ZNRF3: variants seen among roughly 807,000 people sequenced by gnomAD.
The protein encoded by ZNRF3 is zinc and ring finger 3.
ZNRF3 carries 23 observed loss-of-function variants against 72.5 expected under a neutral mutation model. The observed-to-expected ratio is 0.32, with a 90% CI of 0.23 to 0.45. The LOEUF (loss-of-function observed/expected upper bound fraction) is 0.45, where lower values mean the gene tolerates loss of function less well. ZNRF3 is among the 20% of genes least tolerant of loss of function. The pLI is 1.00. For missense variants in ZNRF3, 1,169 were observed against 1,272.1 expected (o/e 0.92, Z 1.23); for synonymous variants, 610 against 545.3 (o/e 1.12, Z -1.65).
intron 6 of ZNRF3, 42 bp downstream of exon 6, chr22:29,046,925 G>C (rs746527372): frequency 6.8e-7 from 1 of 1,474,418 alleles, no homozygotes; most frequent in African/African-American, 1.4e-5. Context: ...GGAAAACATA[G>C]GCAGGTCAGC....
chr22:28,889,735 C>G (rs1247914960), intron 1 of ZNRF3, among the ~76,000 whole-genome samples: 1 of 152,214 alleles, frequency 6.6e-6, no homozygotes, highest in East Asian at 1.9e-4. Context: ...TATAGTCACT[C>G]AAAGACTTTT....
Position 29,007,752 on chromosome 22 carries a change from C to T in ZNRF3, c.426+20551C>T, listed in dbSNP as rs1393481540. Among the ~76,000 whole-genome samples, 201 of 43,612 alleles carry T rather than the reference C, an allele frequency of 4.6e-3. 6 individuals carry two copies. Among genetic ancestry groups the T allele is most frequent in the South Asian group, 0.03 (45 of 1,524 alleles). The allele number at this position is 43,612 out of a possible 152,430, so 28.6% of individuals were successfully genotyped here. ...CCTTTCATAGAAATTCCATTTCTTC[C>T]TTTTTTTTTTTTTTTTTTTTTTGAG... On this transcript the variant is annotated intron_variant, in intron 2 of 8. Transcript: ENST00000544604.
chr22:28,919,982 T>C (rs979297274), intron 1 of ZNRF3, among the ~76,000 whole-genome samples: 2 of 152,124 alleles, frequency 1.3e-5, no homozygotes, highest in Non-Finnish European at 2.9e-5. Flanking sequence ...TTTTATTTTT[T>C]GAGATGGAGT....
At chr22:28,890,766 C>CT (rs778655580) in intron 1 of ZNRF3, among the ~76,000 whole-genome samples, 149 of 119,108 alleles carry the variant, frequency 1.3e-3, no homozygotes, top group South Asian at 2.0e-3. Flanking sequence ...CTCTCTCTCT[C>CT]TTTTTTTTTT....
intron 1 of ZNRF3, among the ~76,000 whole-genome samples, chr22:28,885,907 CTTTTG>C (rs2033777250): frequency 6.7e-6 from 1 of 148,738 alleles, no homozygotes; most frequent in Non-Finnish European, 1.5e-5. Context: ...TTATCTAACT[CTTTTG>C]TAGTCCATTA....
intron 1 of ZNRF3, among the ~76,000 whole-genome samples, chr22:28,939,627 A>G (rs1322446441): frequency 2.0e-5 from 3 of 151,184 alleles, no homozygotes; most frequent in Non-Finnish European, 2.9e-5. Context: ...TCCCATTTAC[A>G]TGTTATCCTG....
chr22:28,940,399 C>G (rs1296747837), intron 1 of ZNRF3, among the ~76,000 whole-genome samples: 2 of 151,568 alleles, frequency 1.3e-5, no homozygotes, highest in Non-Finnish European at 2.9e-5. Context: ...TCTGGAAAAT[C>G]AGCTAAACTT....
chr22:28,982,980 G>A (rs2035793096), intron 1 of ZNRF3, among the ~76,000 whole-genome samples: 1 of 152,202 alleles, frequency 6.6e-6, no homozygotes, highest in African/African-American at 2.4e-5. Flanking sequence ...GAGCTCAGGA[G>A]AGAGGGAACT....
At chr22:28,937,721 G>A (rs2034866065) in intron 1 of ZNRF3, among the ~76,000 whole-genome samples, 1 of 152,126 alleles carries the variant, frequency 6.6e-6, no homozygotes, top group African/African-American at 2.4e-5. Context: ...GAAGGTACAA[G>A]GAAATGAACA....
At chr22:28,975,719 A>G (rs2035659470) in intron 1 of ZNRF3, among the ~76,000 whole-genome samples, 2 of 152,032 alleles carry the variant, frequency 1.3e-5, no homozygotes, top group Admixed American at 1.3e-4. Context: ...CCTGGGCAAC[A>G]GTGCAAGACT....
intron 1 of ZNRF3, among the ~76,000 whole-genome samples, chr22:28,911,426 G>A (rs1207564944): frequency 6.6e-6 from 1 of 152,202 alleles, no homozygotes; most frequent in Admixed American, 6.5e-5. Context: ...TCACTGCACA[G>A]CAGTCGGCAG....
chr22:28,959,226 G>A (rs1050791399), intron 1 of ZNRF3, among the ~76,000 whole-genome samples: 3 of 152,208 alleles, frequency 2.0e-5, no homozygotes. Flanking sequence ...CCCTTTGTGG[G>A]AAGTGTCCCC....
intron 1 of ZNRF3, among the ~76,000 whole-genome samples, chr22:28,958,045 G>A (rs752140147): frequency 1.3e-5 from 2 of 152,034 alleles, no homozygotes; most frequent in South Asian, 2.1e-4. Context: ...AAAATTAGCC[G>A]GGCGTTGTGG....
At chr22:29,018,907 G>C (rs143931581) in intron 2 of ZNRF3, among the ~76,000 whole-genome samples, 1 of 151,268 alleles carries the variant, frequency 6.6e-6, no homozygotes, top group East Asian at 1.9e-4. Context: ...GATTCTGTGG[G>C]TTAGCTGAGC....
chr22:28,941,901 G>A (rs1192601569), intron 1 of ZNRF3, among the ~76,000 whole-genome samples: 1 of 152,160 alleles, frequency 6.6e-6, no homozygotes, highest in Non-Finnish European at 1.5e-5. Flanking sequence ...GTCGCAGTGA[G>A]CAGAGATCGT....
chr22:28,913,644 T>C (rs911329051), intron 1 of ZNRF3, among the ~76,000 whole-genome samples: 7 of 152,146 alleles, frequency 4.6e-5, no homozygotes, highest in African/African-American at 1.7e-4. Context: ...AATTGGGTGA[T>C]GGGGTATAGG....
intron 2 of ZNRF3, among the ~76,000 whole-genome samples, chr22:29,020,627 C>G (rs2036516439): frequency 6.6e-6 from 1 of 151,870 alleles, no homozygotes. Context: ...GATGTGAAAC[C>G]CACTGATAAG....
rs139041016 is a variant in ZNRF3 at position 29,000,754 on chromosome 22, C to T, written c.426+13553C>T. 4.4e-4 allele frequency among the ~76,000 whole-genome samples: 67 copies of T among 152,222 alleles called. 1 individual carries two copies. The East Asian group carries it at 0.013, about 29-fold the overall frequency. On this transcript the variant is annotated intron_variant, in intron 2 of 8. Transcript: ENST00000544604. ...TCTAGTGAGGGCCTCAGGAAGCTTA[C>T]AATCACCACAGAAGGCAAAGGGGGA... is the stretch of plus-strand genomic sequence containing the variant.
chr22:28,987,281 G>A (rs2035871324), intron 2 of ZNRF3, 80 bp downstream of exon 2: 1 of 1,543,088 alleles, frequency 6.5e-7, no homozygotes, highest in Non-Finnish European at 8.7e-7. Context: ...TCAAATAGTT[G>A]ATTATGGAGA....
Sources: gnomAD v4.1 joint callset for allele counts (sites outside exome capture counted in the v4.1 genomes callset) on GRCh38, gnomAD v4.1.1 for gene constraint, MANE v1.5 for transcripts, NCBI Gene and HGNC (gene_info 2026-07-23, HGNC 2026-07-21) for gene names.